Variants in CENPF observed in about 807,000 individuals in gnomAD.
CENPF encodes the protein centromere protein F, also known as AH antigen.
Under a neutral mutation model 307.3 loss-of-function variants are expected in CENPF, and 214 were observed. The ratio of observed to expected loss-of-function variants is 0.70; its 90% CI spans 0.62 to 0.78. The LOEUF (loss-of-function observed/expected upper bound fraction) is 0.78, where lower values mean the gene tolerates loss of function less well. Among genes scored for constraint, CENPF ranks in the 30% least tolerant of loss-of-function variants. The pLI is 0.00. For synonymous variants in CENPF, 1,259 were observed against 1,270.6 expected (o/e 0.99, Z 0.19); for missense variants, 3,401 against 3,483.9 (o/e 0.98, Z 0.60).
rs1361656721 is a variant in CENPF, at chr1:214,646,738, A to C, written c.7168A>C (p.Ile2390Leu). Residue 2390 changes from isoleucine (I) to leucine (L), a missense_variant, in exon 13 of 20, where the codon ATA becomes CTA. Ile to Leu is a conservative substitution (Grantham distance 5, BLOSUM62 2). Coordinates refer to ENST00000366955, the MANE Select transcript of CENPF (RefSeq NM_016343.4). Reference protein sequence around the residue: ...LRGLELDVVTIRSEKENLTNE... With the variant: ...LRGLELDVVTLRSEKENLTNE... ...AGGTCTGGAATTAGATGTTGTTACT[A>C]TAAGGTCAGAAAAAGAAAATCTGAC... 6.2e-7 allele frequency: 1 copy of C among 1,614,034 alleles called. No individual in the cohort carries two copies. The highest frequency in any genetic ancestry group is 2.2e-5 in the East Asian group (1 of 44,876).
intron 14 of CENPF, among the ~76,000 whole-genome samples, chr1:214,651,075 G>A (rs1658448563): frequency 6.6e-6 from 1 of 152,180 alleles, no homozygotes; most frequent in East Asian, 1.9e-4. Context: ...GCTTTTTTAG[G>A]AAGAGCTGGG....
At chr1:214,660,245 C>T (rs1395013241) in intron 19 of CENPF, among the ~76,000 whole-genome samples, 1 of 152,052 alleles carries the variant, frequency 6.6e-6, no homozygotes, top group African/African-American at 2.4e-5. Context: ...AATTTTTCTT[C>T]AAGTATGAAG....
rs1340305235 is a variant in CENPF, at chr1:214,659,287, G to A, written c.9141+259G>A. The stretch of plus-strand genomic sequence containing the variant: ...TGGCATTGTTACATCAAAACTCAGT[G>A]GATTTCTAAGAAAGTTTCAGGCGTT... On this transcript the variant is annotated intron_variant, in intron 19 of 19. Transcript: ENST00000366955. The surrounding 1 kb of genome is among the most constrained non-coding windows in gnomAD (Gnocchi z 4.4). 6.6e-6 allele frequency among the ~76,000 whole-genome samples: 1 copy of A among 152,044 alleles called. No homozygotes were observed. Among genetic ancestry groups the A allele is most frequent in the Non-Finnish European group, 1.5e-5 (1 of 68,010 alleles).
At chr1:214,634,501 C>G (rs143527331) in intron 10 of CENPF, among the ~76,000 whole-genome samples, 41 of 152,314 alleles carry the variant, frequency 2.7e-4, no homozygotes, top group African/African-American at 9.4e-4. Context: ...CTCAGTCTGA[C>G]TTTCCTCATC....
chr1:214,640,480 T>A lies in CENPF; in HGVS notation c.2142T>A (p.His714Gln), dbSNP rs767033702. The A allele has an allele frequency of 2.5e-6, 4 of 1,614,048 alleles. No homozygotes were observed. The highest frequency in any genetic ancestry group is 3.4e-6 in the Non-Finnish European group (4 of 1,179,990). Residue 714 changes from histidine (H) to glutamine (Q), a missense_variant, in exon 12 of 20, where the codon CAT (histidine) becomes CAA (glutamine). His to Gln is a conservative substitution (Grantham distance 24). Coordinates refer to ENST00000366955, the MANE Select transcript of CENPF (RefSeq NM_016343.4). The stretch of plus-strand genomic sequence containing the variant: ...AAGCTGAGTTCTCAGATCAGAAACA[T>A]CAGAAGGAAATAGAAAATATGTGTT... Reference protein sequence around the residue: ...QQKAEFSDQKHQKEIENMCLK... With the variant: ...QQKAEFSDQKQQKEIENMCLK...
In CENPF at chr1:214,613,831, A is replaced by G; in HGVS notation, c.77A>G (p.Gln26Arg). ...ALQKIQELEG[Q>R]LDKLKKEKQQ... ...CAGAAAATTCAAGAGCTTGAAGGAC[A>G]GCTTGACAAACTGAAGAAGGAAAAG... Residue 26 changes from glutamine to arginine, a missense_variant, in exon 2 of 20, where the codon CAG (glutamine) becomes CGG (arginine). Coordinates refer to ENST00000366955, the MANE Select transcript of CENPF (RefSeq NM_016343.4). The G allele has an allele frequency of 6.2e-7, 1 of 1,614,018 alleles. No homozygotes were observed. The highest frequency in any genetic ancestry group is 8.5e-7 in the Non-Finnish European group (1 of 1,179,948).
chr1:214,643,383 A>G (rs1471485644), intron 12 of CENPF, 59 bp downstream of exon 12: 13 of 1,315,690 alleles, frequency 9.9e-6, no homozygotes, highest in Non-Finnish European at 1.3e-5. Flanking sequence ...GACACTCAGT[A>G]AATGTTTGTC....
At position 214,647,251 on chromosome 1, in the gene CENPF, C is replaced by A; in HGVS notation, c.7681C>A (p.Leu2561Met). The A allele has an allele frequency of 6.2e-7, 1 of 1,614,078 alleles. No individual in the cohort carries two copies. Among genetic ancestry groups the A allele is most frequent in the Non-Finnish European group, 8.5e-7 (1 of 1,179,978 alleles). The stretch of plus-strand genomic sequence containing the variant: ...GGAGCAAAACTTAGAACTGAGAAAT[C>A]TGACAGTGGAATTGGAGCAGAAGAT... ...WKEQNLELRN[L>M]TVELEQKIQV... The change falls in exon 13 of 20, where the codon CTG becomes ATG. Residue 2561 changes from leucine (L) to methionine (M), a missense_variant. Physicochemically the swap from Leu to Met is conservative, Grantham distance 15. Transcript: ENST00000366955.
chr1:214,606,083 G>A, intron 1 of CENPF: 2 of 1,588,880 alleles, frequency 1.3e-6, no homozygotes, highest in Non-Finnish European at 1.7e-6. Context: ...GCCGTACCTG[G>A]AGGCGCCGGA....
intron 1 of CENPF, 169 bp from the exon 2 acceptor site, chr1:214,613,545 A>G (rs905461449): frequency 4.6e-6 from 2 of 437,878 alleles, no homozygotes; most frequent in African/African-American, 4.1e-5. Context: ...AGAATCAATT[A>G]TTGGTTGCCA....
At chr1:214,647,791 C>T (rs990425441) in intron 13 of CENPF, among the ~76,000 whole-genome samples, 3 of 152,134 alleles carry the variant, frequency 2.0e-5, no homozygotes, top group African/African-American at 7.2e-5. Context: ...TATCTAGGAT[C>T]GGAAAGGATC....
intron 3 of CENPF, among the ~76,000 whole-genome samples, chr1:214,617,211 C>A (rs1224145801): frequency 1.3e-5 from 2 of 151,670 alleles, no homozygotes; most frequent in Non-Finnish European, 1.5e-5. Flanking sequence ...CCATGCCTGG[C>A]TAATTTTTGT....
rs770555079 is a variant in CENPF at position 214,643,000 on chromosome 1, C to A, written c.4662C>A (p.Ser1554=). The A allele has an allele frequency of 7.5e-6, 12 of 1,609,602 alleles. No individual in the cohort carries two copies. Among genetic ancestry groups the A allele is most frequent in the African/African-American group, 1.3e-5 (1 of 74,142 alleles). ...APAKGVEELE[S]LCEVYRQSLE... ...CGAAGGGTGTTGAAGAGCTTGAGTC[C>A]CTCTGTGAGGTGTACCGGCAGTCCC... is the stretch of plus-strand genomic sequence containing the variant. The change falls in exon 12 of 20, where the codon TCC becomes TCA. Residue 1554 remains serine, a synonymous_variant. Transcript: ENST00000366955.
At position 214,642,312 on chromosome 1, in the gene CENPF, G is replaced by A. The variant is rs150048811; in HGVS notation, c.3974G>A (p.Arg1325Lys). 315 of 1,613,558 alleles carry A rather than the reference G, an allele frequency of 2.0e-4. No homozygotes were observed. Among genetic ancestry groups the A allele is most frequent in the Non-Finnish European group, 2.4e-4 (284 of 1,179,902 alleles). The stretch of plus-strand genomic sequence containing the variant: ...CTCGTAACTGAGCTGAATGATTCAA[G>A]GTCAGAATGTATCACAGCAACTAGG... Reference protein sequence around the residue: ...YELVTELNDSRSECITATRKM... With the variant: ...YELVTELNDSKSECITATRKM... Residue 1325 changes from arginine to lysine, a missense_variant, in exon 12 of 20, where the codon AGG (arginine) becomes AAG (lysine). Transcript: ENST00000366955.
intron 1 of CENPF, chr1:214,608,716 T>C: frequency 6.3e-7 from 1 of 1,595,552 alleles, no homozygotes; most frequent in Non-Finnish European, 8.5e-7. Flanking sequence ...AGGCCCCGGC[T>C]CGGGCTCAGT....
rs141295897 is a variant in CENPF at position 214,640,216 on chromosome 1, C to T, written c.1878C>T (p.Asn626=). 2.4e-5 allele frequency: 38 copies of T among 1,600,588 alleles called. No individual in the cohort carries two copies. The highest frequency in any genetic ancestry group is 1.1e-4 in the East Asian group (5 of 44,820). The change falls in exon 12 of 20, where the codon AAC becomes AAT. Residue 626 remains asparagine, a synonymous_variant. Coordinates refer to ENST00000366955, the MANE Select transcript of CENPF (RefSeq NM_016343.4). ...TGTTTTCTTGTTGGAAAAGTGAAAA[C>T]GAAAAACTTTTAACTCAGATGGAAT... The part of the protein sequence containing the change: ...KTLFSCWKSE[N]EKLLTQMESE...
At position 214,656,926 on chromosome 1, in the gene CENPF, TG is replaced by T. The variant is rs1384327146; in HGVS notation, c.8486-5del. ...TTGCACATGATGTGTTGCTTTACTT[TG>T]GACAGGTACTGTTATGGATACCAAG... On this transcript the variant is annotated splice_region_variant and splice_polypyrimidine_tract_variant and intron_variant, in intron 17 of 19. Transcript: ENST00000366955. 6.4e-7 allele frequency: 1 copy of T among 1,569,440 alleles called. No individual in the cohort carries two copies. The highest frequency in any genetic ancestry group is 8.6e-7 in the Non-Finnish European group (1 of 1,157,206).
chr1:214,622,296 G>C lies in CENPF; in HGVS notation c.1068+15G>C, dbSNP rs117507465. The C allele has an allele frequency of 2.5e-6, 4 of 1,570,762 alleles. No homozygotes were observed. The highest frequency in any genetic ancestry group is 3.5e-6 in the Non-Finnish European group (4 of 1,155,980). On this transcript the variant is annotated intron_variant, in intron 7 of 19. Coordinates refer to ENST00000366955, the MANE Select transcript of CENPF (RefSeq NM_016343.4). ...CGTCAACCAAGGTACTTGACTTTTC[G>C]TGAATTACTGGAGAAATCTTCATCT...
Position 214,645,431 on chromosome 1 carries a change from C to G in CENPF, c.5861C>G (p.Ser1954Ter). ...KVIVCLEEEL[S>*]VVTSERNQLR... ...ATTGTCTGCCTTGAAGAAGAACTCTCAGTGGTCACAAGTGAGAGAAACCAG... is the reference window on the plus strand; with the variant it reads ...ATTGTCTGCCTTGAAGAAGAACTCTGAGTGGTCACAAGTGAGAGAAACCAG... The change falls in exon 13 of 20, where the codon TCA becomes TGA. Residue 1954 changes from serine to a stop codon, truncating the protein, a stop_gained. Transcript: ENST00000366955. LOFTEE classifies it high-confidence loss of function. 1.2e-6 allele frequency: 2 copies of G among 1,613,994 alleles called. No homozygotes were observed. Among genetic ancestry groups the G allele is most frequent in the Non-Finnish European group, 1.7e-6 (2 of 1,179,988 alleles).
Sources: gnomAD v4.1 joint callset for allele counts (sites outside exome capture counted in the v4.1 genomes callset) on GRCh38, gnomAD v4.1.1 for gene constraint, Gnocchi (gnomAD v3.1) non-coding constraint, MANE v1.5 for transcripts, NCBI Gene and HGNC (gene_info 2026-07-23, HGNC 2026-07-21) for gene names.